The following EDC3 variants were observed in gnomAD, a reference collection of about 807,000 sequenced individuals.
EDC3 encodes the protein enhancer of mRNA decapping 3, also known as enhancer of mRNA-decapping protein 3.
In EDC3, 20 loss-of-function variants were observed where a neutral mutation model predicts 41.8. The ratio of observed to expected loss-of-function variants is 0.48; its 90% CI spans 0.34 to 0.70. The LOEUF is 0.70. Among genes scored for constraint, EDC3 ranks in the 30% least tolerant of loss-of-function variants. EDC3 has a pLI of 0.01. For synonymous variants in EDC3, 206 were observed against 243.2 expected (o/e 0.85, Z 1.42); for missense variants, 444 against 636.8 (o/e 0.70, Z 3.26).
intron 3 of EDC3, among the ~76,000 whole-genome samples, chr15:74,664,428 C>T (rs2062655671): frequency 6.6e-6 from 1 of 152,266 alleles, no homozygotes; most frequent in Non-Finnish European, 1.5e-5. Flanking sequence ...TGGCTGCCTT[C>T]CTGTGCCGTT....
rs369652432 is a variant in EDC3, at chr15:74,655,755, G to A, written c.798C>T (p.Asn266=). The change falls in exon 4 of 7, where the codon AAC becomes AAT. Residue 266 remains asparagine (N), a synonymous_variant. Coordinates refer to ENST00000315127, the MANE Select transcript of EDC3 (RefSeq NM_025083.5). The part of the protein sequence containing the change: ...IVYRRIIVPH[N]VSKEFCTDSG... ...CACCCGTGCAGAACTCCTTGCTCAC[G>A]TTGTGGGGCACTATGATCCGTCGAT... 184 of 1,611,766 alleles carry A rather than the reference G, an allele frequency of 1.1e-4. 1 individual carries two copies. The South Asian group carries it at 1.4e-3, about 12-fold the overall frequency.
At chr15:74,635,078 T>G in intron 6 of EDC3, 1 of 523,336 alleles carries the variant, frequency 1.9e-6, no homozygotes. Context: ...GTTACATGTC[T>G]TTTTGTTCCT....
In EDC3 at chr15:74,674,768, A is replaced by C. The variant is rs917537700; in HGVS notation, c.164+193T>G. On this transcript the variant is annotated intron_variant, in intron 2 of 6. Transcript: ENST00000315127. ...GGTGGTTCACACCTGAAATCCCAGC[A>C]CTTCGGGAGGCCACAACGGGCAGAT... is the stretch of plus-strand genomic sequence containing the variant. The C allele has an allele frequency of 1.3e-5, 8 of 606,244 alleles. No homozygotes were observed. The African/African-American group carries it at 1.5e-4, about 11-fold the overall frequency. 37.6% of individuals were successfully genotyped at this position (606,244 alleles called of 1,614,324 possible). A position where few individuals can be genotyped will look rare whatever the true frequency, so the allele number is the denominator to read the frequency against.
intron 1 of EDC3, 84 bp from the exon 2 acceptor site, chr15:74,675,226 C>A (rs2062789195): frequency 7.8e-7 from 1 of 1,286,634 alleles, no homozygotes; most frequent in African/African-American, 1.5e-5. Flanking sequence ...AGGCTCTGTA[C>A]CAAGTGTTGG....
chr15:74,674,830 C>T, intron 2 of EDC3, 131 bp downstream of exon 2: 2 of 1,073,722 alleles, frequency 1.9e-6, no homozygotes, highest in Non-Finnish European at 1.4e-6. Flanking sequence ...GCCTGGCCAA[C>T]ACAGTGAAAC....
Position 74,640,553 on chromosome 15 carries a change from T to C in EDC3, c.887A>G (p.Lys296Arg), listed in dbSNP as rs2062337691. ...TCTCCGCTCAAGGGTCAGCCCATGC[T>C]TCTCAGCCACGGACAACAGCTTTTT... Reference protein sequence around the residue: ...LHKKLLSVAEKHGLTLERRLE... With the variant: ...LHKKLLSVAERHGLTLERRLE... The change falls in exon 5 of 7, where the codon AAG becomes AGG. Residue 296 changes from lysine to arginine, a missense_variant. Around this residue, in one of 3 missense-constraint regions of EDC3, gnomAD observed 242 missense variants for 363.8 expected, o/e 0.67. Transcript: ENST00000315127. 6.2e-7 allele frequency: 1 copy of C among 1,614,118 alleles called. No individual in the cohort carries two copies. Among genetic ancestry groups the C allele is most frequent in the South Asian group, 1.1e-5 (1 of 91,092 alleles).
At chr15:74,645,255 G>A (rs1489224359) in intron 4 of EDC3, 1 of 152,170 alleles carries the variant, frequency 6.6e-6, no homozygotes, top group Non-Finnish European at 1.5e-5. Context: ...TTTGCATACG[G>A]AGTATATTAG....
chr15:74,670,350 G>T (rs765766768), intron 3 of EDC3, among the ~76,000 whole-genome samples: 1 of 152,132 alleles, frequency 6.6e-6, no homozygotes, highest in African/African-American at 2.4e-5. Context: ...TGTTGGAGAA[G>T]AACAGTTCTA....
chr15:74,682,434 C>A (rs1459234872), intron 1 of EDC3, among the ~76,000 whole-genome samples: 1 of 151,532 alleles, frequency 6.6e-6, no homozygotes, highest in East Asian at 1.9e-4. Context: ...CTGGCTAACA[C>A]GGTGAAACCC....
intron 4 of EDC3, among the ~76,000 whole-genome samples, chr15:74,645,600 C>T (rs939241670): frequency 1.0e-4 from 15 of 146,158 alleles, no homozygotes; most frequent in East Asian, 8.1e-4. Context: ...GGCTCATGCC[C>T]GGCCAAAGAG....
At position 74,632,571 on chromosome 15, in the gene EDC3, A is replaced by AGCAGCAGGGG. The variant is rs1808583411; in HGVS notation, c.*31_*40dup. ...TATCCTTAAGGCGTTTGTTATCAGG[A>AGCAGCAGGGG]GCAGCAGGGGACAGCAGAGTCCTGC... On this transcript the variant is annotated 3_prime_UTR_variant, in exon 7 of 7. Coordinates refer to ENST00000315127, the MANE Select transcript of EDC3 (RefSeq NM_025083.5). This position sits in a 1 kb window ranked among gnomAD's most constrained non-coding sequence, Gnocchi z 4.0. The AGCAGCAGGGG allele has an allele frequency of 6.3e-7, 1 of 1,592,358 alleles. No individual in the cohort carries two copies. Among genetic ancestry groups the AGCAGCAGGGG allele is most frequent in the Non-Finnish European group, 8.6e-7 (1 of 1,165,006 alleles).
chr15:74,654,210 C>T (rs1015885593), intron 4 of EDC3, among the ~76,000 whole-genome samples: 5 of 150,176 alleles, frequency 3.3e-5, no homozygotes, highest in African/African-American at 4.9e-5. Context: ...GCAGAGATTG[C>T]GCCATTGCAC....
intron 3 of EDC3, among the ~76,000 whole-genome samples, chr15:74,659,331 G>A (rs951323585): frequency 3.3e-5 from 5 of 151,650 alleles, no homozygotes; most frequent in East Asian, 1.9e-4. Context: ...GTGTGGTGGC[G>A]CATGCCTGTA....
intron 1 of EDC3, among the ~76,000 whole-genome samples, chr15:74,681,368 G>A (rs1275054371): frequency 6.6e-6 from 1 of 151,734 alleles, no homozygotes; most frequent in African/African-American, 2.4e-5. Context: ...CGCCAGGCTG[G>A]TCTTGAACTC....
rs1237376023 is a variant in EDC3 at position 74,659,288 on chromosome 15, T to A, written c.485-3220A>T. 2.7e-5 allele frequency among the ~76,000 whole-genome samples: 4 copies of A among 150,598 alleles called. No individual in the cohort carries two copies. In the South Asian group the frequency reaches 6.3e-4, roughly 24 times the overall value. On this transcript the variant is annotated intron_variant, in intron 3 of 6. Transcript: ENST00000315127. ...GACCAGCCTGATCAACATGGTGAAA[T>A]GCCATCTCTACTAAATACAAAAAAT...
chr15:74,678,427 C>A (rs1213024411), intron 1 of EDC3, among the ~76,000 whole-genome samples: 1 of 152,106 alleles, frequency 6.6e-6, no homozygotes, highest in Non-Finnish European at 1.5e-5. Context: ...TAGAAAAAAC[C>A]AAATTGATTA....
intron 1 of EDC3, among the ~76,000 whole-genome samples, chr15:74,692,268 C>T (rs2063016662): frequency 6.6e-6 from 1 of 152,044 alleles, no homozygotes; most frequent in African/African-American, 2.4e-5. Context: ...GGAATGGATA[C>T]AAGTTCAAAA....
rs1160869585 is a variant in EDC3 at position 74,640,615 on chromosome 15, A to G, written c.825T>C (p.Ser275=). The G allele has an allele frequency of 1.2e-6, 2 of 1,614,112 alleles. No homozygotes were observed. The highest frequency in any genetic ancestry group is 1.7e-5 in the Admixed American group (1 of 60,012). The change falls in exon 5 of 7, where the codon TCT becomes TCC. Residue 275 remains serine (S), a synonymous_variant. Coordinates refer to ENST00000315127, the MANE Select transcript of EDC3 (RefSeq NM_025083.5). ...HNVSKEFCTD[S]GLVVPSISYE... Reference sequence around the variant, plus strand: ...AGGAAATACTTGGGACAACCAGGCCAGAGTCTGCAGTTCAAAAGGAGAAGA... The same window carrying G: ...AGGAAATACTTGGGACAACCAGGCCGGAGTCTGCAGTTCAAAAGGAGAAGA...
intron 4 of EDC3, 177 bp from the exon 5 acceptor site, chr15:74,640,796 G>T: frequency 2.9e-6 from 2 of 700,368 alleles, no homozygotes; most frequent in Non-Finnish European, 4.7e-6. Flanking sequence ...CTCAAGTAGT[G>T]ACTGGTGAAC....
Sources: allele counts gnomAD v4.1 joint callset (sites outside exome capture counted in the v4.1 genomes callset), GRCh38; gene constraint gnomAD v4.1.1; regional missense constraint gnomAD v4.1.1; non-coding constraint Gnocchi (gnomAD v3.1); transcripts MANE v1.5; gene names NCBI Gene and HGNC (gene_info 2026-07-23, HGNC 2026-07-21).